The following PLCH1 variants were observed in gnomAD, a reference collection of about 807,000 sequenced individuals.
PLCH1 encodes 1-phosphatidylinositol 4,5-bisphosphate phosphodiesterase eta-1.
A neutral mutation model predicts 126.7 loss-of-function variants in PLCH1; 60 were observed. The ratio of observed to expected loss-of-function variants is 0.47; its 90% CI spans 0.38 to 0.59. The LOEUF (loss-of-function observed/expected upper bound fraction) is 0.59, where lower values mean the gene tolerates loss of function less well. Ranked by LOEUF, PLCH1 falls within the 20% of genes least tolerant of loss-of-function variation. The pLI is 0.00. For synonymous variants in PLCH1, 719 were observed against 734.9 expected (o/e 0.98, Z 0.35); for missense variants, 1,723 against 2,040.0 (o/e 0.84, Z 2.99).
intron 2 of PLCH1, among the ~76,000 whole-genome samples, chr3:155,669,887 AC>A (rs1324249701): frequency 6.6e-6 from 1 of 152,202 alleles, no homozygotes; most frequent in Non-Finnish European, 1.5e-5. Context: ...TTTGTTGATC[AC>A]ATAAAAGTTT....
chr3:155,495,865 C>T (rs753858841), intron 15 of PLCH1, among the ~76,000 whole-genome samples: 1 of 152,212 alleles, frequency 6.6e-6, no homozygotes, highest in East Asian at 1.9e-4. Flanking sequence ...TTGGCATAAC[C>T]TATTAACACA....
At chr3:155,483,386 A>G in intron 22 of PLCH1, 1 of 1,540,868 alleles carries the variant, frequency 6.5e-7, no homozygotes, top group Admixed American at 2.0e-5. Flanking sequence ...ACTACACAGA[A>G]GCATGGCAAT....
chr3:155,463,949 T>A (rs1712829996), intron 21 of PLCH1, among the ~76,000 whole-genome samples: 1 of 152,160 alleles, frequency 6.6e-6, no homozygotes, highest in Non-Finnish European at 1.5e-5. Flanking sequence ...TATCAGATGT[T>A]TACTGAATGC....
chr3:155,493,036 G>A (rs1232342705), intron 17 of PLCH1, among the ~76,000 whole-genome samples, 183 bp from the exon 18 acceptor site: 1 of 152,164 alleles, frequency 6.6e-6, no homozygotes, highest in Non-Finnish European at 1.5e-5. Context: ...CAGTGGAGTG[G>A]GCCAACTTAA....
chr3:155,454,735 C>A (rs1366262301), intron 21 of PLCH1, among the ~76,000 whole-genome samples: 1 of 152,168 alleles, frequency 6.6e-6, no homozygotes, highest in African/African-American at 2.4e-5. Flanking sequence ...GGGAAGGAAT[C>A]ATTGGTTCAA....
intron 1 of PLCH1, among the ~76,000 whole-genome samples, chr3:155,713,377 A>T (rs1372809718): frequency 6.6e-6 from 1 of 152,140 alleles, no homozygotes; most frequent in East Asian, 1.9e-4. Flanking sequence ...GCAAAGTGTC[A>T]CTCCTTTGGG....
intron 2 of PLCH1, among the ~76,000 whole-genome samples, chr3:155,686,115 C>T (rs1169257060): frequency 1.3e-5 from 2 of 152,014 alleles, no homozygotes; most frequent in Non-Finnish European, 2.9e-5. Context: ...AAAAAATAAT[C>T]GTGTGTGCGT....
At chr3:155,472,082 C>A (rs141018880) in intron 21 of PLCH1, among the ~76,000 whole-genome samples, 3 of 152,072 alleles carry the variant, frequency 2.0e-5, no homozygotes, top group South Asian at 2.1e-4. Flanking sequence ...GAAATCAGAG[C>A]AGAACTGAAG....
At chr3:155,692,330 C>A (rs1175606864) in intron 2 of PLCH1, among the ~76,000 whole-genome samples, 1 of 152,074 alleles carries the variant, frequency 6.6e-6, no homozygotes, top group Non-Finnish European at 1.5e-5. Flanking sequence ...AAACTCATAC[C>A]TGATTTTGTG....
intron 21 of PLCH1, among the ~76,000 whole-genome samples, chr3:155,455,215 C>T (rs1712410705): frequency 6.6e-6 from 1 of 152,040 alleles, no homozygotes; most frequent in African/African-American, 2.4e-5. Context: ...GAGAAGGAGC[C>T]GACCCTGGGA....
intron 21 of PLCH1, chr3:155,485,996 T>C (rs1560052868): frequency 1.6e-6 from 1 of 624,750 alleles, no homozygotes; most frequent in Admixed American, 3.0e-5. Context: ...CCACAGCTCA[T>C]AGACTGCTAT....
At chr3:155,599,810 CTG>C (rs1196081530) in intron 2 of PLCH1, among the ~76,000 whole-genome samples, 1 of 152,200 alleles carries the variant, frequency 6.6e-6, no homozygotes, top group Non-Finnish European at 1.5e-5. Context: ...ACAGGGTCCT[CTG>C]TTTTGTTCAC....
At position 155,566,208 on chromosome 3, in the gene PLCH1, CACATATAT is replaced by C. The variant is rs1463878718; in HGVS notation, c.866-1098_866-1091del. ...ACATATATATACACATACATATATA[CACATATAT>C]ACGTATATATACACATATATATACA... On this transcript the variant is annotated intron_variant, in intron 7 of 22. Transcript: ENST00000460012. 5.1e-4 allele frequency among the ~76,000 whole-genome samples: 43 copies of C among 83,510 alleles called. 3 individuals carry two copies. Among genetic ancestry groups the C allele is most frequent in the Admixed American group, 1.2e-3 (10 of 8,378 alleles). 54.8% of individuals were successfully genotyped at this position (83,510 alleles called of 152,430 possible).
intron 11 of PLCH1, among the ~76,000 whole-genome samples, chr3:155,523,432 T>C (rs1307503504): frequency 6.6e-6 from 1 of 152,198 alleles, no homozygotes; most frequent in Non-Finnish European, 1.5e-5. Flanking sequence ...GAAATCCCTC[T>C]GGTCCAAGGT....
chr3:155,707,267 G>A (rs1350455088), intron 1 of PLCH1, among the ~76,000 whole-genome samples: 1 of 152,176 alleles, frequency 6.6e-6, no homozygotes, highest in African/African-American at 2.4e-5. Context: ...AATGAACTAA[G>A]ACAACATGAG....
In PLCH1 at chr3:155,494,125, T is replaced by C. The variant is rs1316648044; in HGVS notation, c.2182+16A>G. The C allele has an allele frequency of 3.2e-6, 5 of 1,585,128 alleles. No individual in the cohort carries two copies. Among genetic ancestry groups the C allele is most frequent in the Non-Finnish European group, 4.3e-6 (5 of 1,153,856 alleles). The stretch of plus-strand genomic sequence containing the variant: ...TAACACACACCTGCATTTATGACTA[T>C]GAAATTAATACACACCTTTGCACAT... On this transcript the variant is annotated intron_variant, in intron 17 of 22. Transcript: ENST00000460012.
At chr3:155,488,159 T>C in intron 20 of PLCH1, 52 bp from the exon 21 acceptor site, 1 of 1,093,542 alleles carries the variant, frequency 9.1e-7, no homozygotes, top group Non-Finnish European at 1.4e-6. Context: ...GCATTTGGCT[T>C]TCTCATGGGT....
At chr3:155,700,708 T>C (rs1412717966) in intron 2 of PLCH1, among the ~76,000 whole-genome samples, 2 of 152,182 alleles carry the variant, frequency 1.3e-5, no homozygotes, top group African/African-American at 4.8e-5. Context: ...TGCATATTAA[T>C]TGCAAATACA....
chr3:155,676,351 C>T (rs954250466), intron 2 of PLCH1: 5 of 1,064,982 alleles, frequency 4.7e-6, no homozygotes, highest in East Asian at 1.3e-4. Context: ...AATGCAGGCG[C>T]TGTGGCTACT....
Sources: gnomAD v4.1 joint callset for allele counts (sites outside exome capture counted in the v4.1 genomes callset) on GRCh38, gnomAD v4.1.1 for gene constraint, MANE v1.5 for transcripts, NCBI Gene and HGNC (gene_info 2026-07-23, HGNC 2026-07-21) for gene names.